Variants in SPINT2 observed in about 807,000 individuals in gnomAD.
SPINT2 encodes the protein kunitz-type protease inhibitor 2.
A neutral mutation model predicts 30.1 loss-of-function variants in SPINT2; 18 were observed. That is an observed-to-expected ratio of 0.60 (90% CI 0.41 to 0.89). SPINT2 has a LOEUF of 0.89. SPINT2 is among the 40% of genes least tolerant of loss of function. SPINT2 has a pLI of 0.00. For missense variants in SPINT2, 276 were observed against 334.3 expected, an observed-to-expected ratio of 0.83 and a Z score of 1.36; for synonymous variants, 139 against 137.9, an observed-to-expected ratio of 1.01 and a Z score of -0.05.
In SPINT2 at chr19:38,290,148, C is replaced by G. The variant is rs1224874674; in HGVS notation, c.421C>G (p.Pro141Ala). Residue 141 changes from proline (P) to alanine (A), a missense_variant, in exon 5 of 7, where the codon CCT (proline) becomes GCT (alanine). Coordinates refer to ENST00000301244, the MANE Select transcript of SPINT2 (RefSeq NM_021102.4). This position sits in a 1 kb window ranked among gnomAD's most constrained non-coding sequence, Gnocchi z 4.3. The stretch of plus-strand genomic sequence containing the variant: ...CTGCACCGCCAACGCAGTCACTGGG[C>G]CTTGCCGTGCATCCTTCCCACGCTG... ...EYCTANAVTGPCRASFPRWYF... is the reference protein window; with the variant it reads ...EYCTANAVTGACRASFPRWYF... 4 of 1,612,522 alleles carry G rather than the reference C, an allele frequency of 2.5e-6. No homozygotes were observed. The highest frequency in any genetic ancestry group is 3.4e-6 in the Non-Finnish European group (4 of 1,180,040).
At position 38,290,240 on chromosome 19, in the gene SPINT2, C is replaced by T. The variant is rs1426926666; in HGVS notation, c.513C>T (p.Asn171=). 6.2e-7 allele frequency: 1 copy of T among 1,612,234 alleles called. No individual in the cohort carries two copies. The highest frequency in any genetic ancestry group is 1.3e-5 in the African/African-American group (1 of 74,886). ...FIYGGCRGNK[N]SYRSEEACML... ...ATGGAGGCTGCCGGGGCAATAAGAACAGCTACCGCTCTGAGGAGGCCTGCA... is the reference window on the plus strand; with the variant it reads ...ATGGAGGCTGCCGGGGCAATAAGAATAGCTACCGCTCTGAGGAGGCCTGCA... Residue 171 remains asparagine, a synonymous_variant, in exon 5 of 7, where the codon AAC becomes AAT. Transcript: ENST00000301244. This position sits in a 1 kb window ranked among gnomAD's most constrained non-coding sequence, Gnocchi z 4.3.
intron 1 of SPINT2, among the ~76,000 whole-genome samples, chr19:38,266,675 CA>C (rs5828007): frequency 0.46 from 63,697 of 139,452 alleles, 14,317 homozygotes; most frequent in East Asian, 0.66. Context: ...GACTCAGTCT[CA>C]AAAAAAAAAA....
chr19:38,264,830 C>A lies in SPINT2; in HGVS notation c.-63C>A, dbSNP rs1466065556. ...TGCGCGTGCGCGTTGAGGGGCTTCC[C>A]GCACCTGATCGCGAGACCCCAACGG... On this transcript the variant is annotated 5_prime_UTR_variant, in exon 1 of 7. Transcript: ENST00000301244. 7 of 1,495,722 alleles carry A rather than the reference C, an allele frequency of 4.7e-6. No homozygotes were observed. Among genetic ancestry groups the A allele is most frequent in the Non-Finnish European group, 6.3e-6 (7 of 1,113,658 alleles). 92.7% of individuals were successfully genotyped at this position (1,495,722 alleles called of 1,614,324 possible).
At chr19:38,270,153 TCTTTA>T (rs1568338399) in intron 1 of SPINT2, among the ~76,000 whole-genome samples, 4 of 152,210 alleles carry the variant, frequency 2.6e-5, no homozygotes, top group Non-Finnish European at 5.9e-5. Context: ...TGCCACCCTT[TCTTTA>T]CTTTCCTCCT....
chr19:38,288,474 ACT>A, intron 3 of SPINT2: 1 of 222,012 alleles, frequency 4.5e-6, no homozygotes. Context: ...TGGTTTAAGG[ACT>A]CTGCATCGGG....
At chr19:38,279,142 C>T (rs780090126) in intron 1 of SPINT2, among the ~76,000 whole-genome samples, 10 of 151,584 alleles carry the variant, frequency 6.6e-5, no homozygotes, top group Non-Finnish European at 1.3e-4. Flanking sequence ...GACCTAACTT[C>T]AGCCAATTAA....
At chr19:38,279,934 G>A (rs192801952) in intron 1 of SPINT2, among the ~76,000 whole-genome samples, 49 of 152,322 alleles carry the variant, frequency 3.2e-4, no homozygotes, top group Admixed American at 2.2e-3. Context: ...GATTACAGGC[G>A]TGAGCCACCA....
intron 1 of SPINT2, among the ~76,000 whole-genome samples, chr19:38,268,676 C>T (rs1162925791): frequency 6.6e-6 from 1 of 152,178 alleles, no homozygotes; most frequent in Non-Finnish European, 1.5e-5. Context: ...CTACCTTAAA[C>T]ATATGCTCCA....
chr19:38,291,817 T>C (rs1385933296), intron 6 of SPINT2, 23 bp from the exon 7 acceptor site: 2 of 1,611,124 alleles, frequency 1.2e-6, no homozygotes, highest in Non-Finnish European at 1.7e-6. Context: ...TGGCCCGTCC[T>C]GAGGCCCCTC....
chr19:38,277,250 TTTTG>T (rs1485172762), intron 1 of SPINT2, among the ~76,000 whole-genome samples: 1 of 151,630 alleles, frequency 6.6e-6, no homozygotes, highest in East Asian at 1.9e-4. Flanking sequence ...TGTTTTGTTT[TTTTG>T]TTTTTTTGTT....
chr19:38,292,305 T>A lies in SPINT2; in HGVS notation c.*299T>A, dbSNP rs1968732029. 5 of 284,326 alleles carry A rather than the reference T, an allele frequency of 1.8e-5. No homozygotes were observed. Among genetic ancestry groups the A allele is most frequent in the Non-Finnish European group, 3.4e-5 (5 of 149,120 alleles). 17.6% of individuals were successfully genotyped at this position (284,326 alleles called of 1,614,324 possible). On this transcript the variant is annotated 3_prime_UTR_variant, in exon 7 of 7. Coordinates refer to ENST00000301244, the MANE Select transcript of SPINT2 (RefSeq NM_021102.4). Reference sequence around the variant, plus strand: ...TTGAATTCCATTGCCTCTTTTCTCATCACAGAAGTGATGTTGGAATCGTTT... The same window carrying A: ...TTGAATTCCATTGCCTCTTTTCTCAACACAGAAGTGATGTTGGAATCGTTT...
chr19:38,287,492 C>T (rs946877247), intron 2 of SPINT2, among the ~76,000 whole-genome samples: 12 of 152,164 alleles, frequency 7.9e-5, no homozygotes, highest in Admixed American at 5.2e-4. Flanking sequence ...CCACCGCACC[C>T]GGCCCTAACT....
At chr19:38,265,053 G>A in intron 1 of SPINT2, 55 bp downstream of exon 1, 1 of 1,389,916 alleles carries the variant, frequency 7.2e-7, no homozygotes. Flanking sequence ...AGGCTCGGGG[G>A]TCAACGGGGG....
chr19:38,280,061 A>G lies in SPINT2; in HGVS notation c.107-3566A>G, dbSNP rs141939253. On this transcript the variant is annotated intron_variant, in intron 1 of 6. Transcript: ENST00000301244. ...AAGGCTGCTTTCTGAAACTTAAACT[A>G]CTAAGTCAGTGATATTTAGAGCAGA... Among the ~76,000 whole-genome samples the G allele has an allele frequency of 7.0e-4, 107 of 152,288 alleles. 1 individual carries two copies. Among genetic ancestry groups the G allele is most frequent in the African/African-American group, 2.5e-3 (105 of 41,566 alleles).
chr19:38,265,072 G>A, intron 1 of SPINT2, 74 bp downstream of exon 1: 2 of 1,270,598 alleles, frequency 1.6e-6, no homozygotes, highest in African/African-American at 3.0e-5. Context: ...GGTCTGAGCA[G>A]GGAGAACTGG....
At chr19:38,284,776 C>CT (rs1968622355) in intron 2 of SPINT2, among the ~76,000 whole-genome samples, 1 of 152,190 alleles carries the variant, frequency 6.6e-6, no homozygotes, top group Non-Finnish European at 1.5e-5. Flanking sequence ...GAGACAGAGT[C>CT]TTGCTCTGTC....
At chr19:38,279,857 T>C (rs1968560992) in intron 1 of SPINT2, among the ~76,000 whole-genome samples, 1 of 152,176 alleles carries the variant, frequency 6.6e-6, no homozygotes, top group Non-Finnish European at 1.5e-5. Context: ...TTTCGCCATG[T>C]TGGCCAGGCT....
chr19:38,279,206 A>AATTT (rs1568340870), intron 1 of SPINT2, among the ~76,000 whole-genome samples: 1 of 148,656 alleles, frequency 6.7e-6, no homozygotes, highest in African/African-American at 2.5e-5. Flanking sequence ...AAAAAAAAAA[A>AATTT]TTTTTTTTTT....
At chr19:38,280,350 A>G (rs1968566640) in intron 1 of SPINT2, among the ~76,000 whole-genome samples, 1 of 152,194 alleles carries the variant, frequency 6.6e-6, no homozygotes, top group South Asian at 2.1e-4. Context: ...CTTTATTCTG[A>G]CTTCAAGCAT....
Sources: allele counts gnomAD v4.1 joint callset (sites outside exome capture counted in the v4.1 genomes callset), GRCh38; gene constraint gnomAD v4.1.1; non-coding constraint Gnocchi (gnomAD v3.1); transcripts MANE v1.5; gene names NCBI Gene and HGNC (gene_info 2026-07-23, HGNC 2026-07-21).